The following PRP4K variants were observed in gnomAD, a reference collection of about 807,000 sequenced individuals.
PRP4K encodes the protein pre-mRNA processing factor kinase PRP4K.
the PRP4K span, among the ~76,000 whole-genome samples, chr6:4,025,316 C>T: frequency 8.5e-5 from 13 of 152,162 alleles, no homozygotes; most frequent in African/African-American, 2.7e-4. Flanking sequence ...AGAAGAAAGT[C>T]GTTGATGATA....
the PRP4K span, among the ~76,000 whole-genome samples, chr6:4,034,196 T>C: frequency 2.6e-5 from 4 of 152,176 alleles, no homozygotes; most frequent in African/African-American, 9.7e-5. Context: ...ATTATTCATA[T>C]TCACATGTGG....
chr6:4,033,240 A>G, the PRP4K span, among the ~76,000 whole-genome samples: 1 of 152,220 alleles, frequency 6.6e-6, no homozygotes, highest in African/African-American at 2.4e-5. Context: ...CAATACCAAT[A>G]TTTTTTGGTC....
At chr6:4,038,582 C>A in the PRP4K span, among the ~76,000 whole-genome samples, 1 of 152,050 alleles carries the variant, frequency 6.6e-6, no homozygotes, top group Non-Finnish European at 1.5e-5. Flanking sequence ...GTTTTTAATA[C>A]TACCGCTTAC....
At chr6:4,056,736 G>A in the PRP4K span, 1 of 1,508,360 alleles carries the variant, frequency 6.6e-7, no homozygotes, top group African/African-American at 1.4e-5. Flanking sequence ...GTTTTTTCCT[G>A]TTGCCTTGGT....
At chr6:4,045,913 A>C in the PRP4K span, among the ~76,000 whole-genome samples, 1 of 152,164 alleles carries the variant, frequency 6.6e-6, no homozygotes, top group Non-Finnish European at 1.5e-5. Context: ...ACATTCTTTC[A>C]TGTATGCATG....
chr6:4,042,852 T>C, the PRP4K span, among the ~76,000 whole-genome samples: 1 of 152,192 alleles, frequency 6.6e-6, no homozygotes, highest in East Asian at 1.9e-4. Flanking sequence ...TTTAAGTTAA[T>C]GAACACGTAT....
At chr6:4,027,000 T>A in the PRP4K span, among the ~76,000 whole-genome samples, 1 of 152,108 alleles carries the variant, frequency 6.6e-6, no homozygotes, top group Non-Finnish European at 1.5e-5. Context: ...TCAAGGAACA[T>A]GGTGTGGCTG....
At chr6:4,051,498 G>A in the PRP4K span, among the ~76,000 whole-genome samples, 1 of 148,430 alleles carries the variant, frequency 6.7e-6, no homozygotes, top group Non-Finnish European at 1.5e-5. Context: ...TGTATTTTTA[G>A]TAGAGACAGG....
the PRP4K span, chr6:4,021,325 C>A: frequency 2.0e-6 from 3 of 1,485,634 alleles, no homozygotes; most frequent in Non-Finnish European, 2.7e-6. Context: ...CCTACACGGT[C>A]GGCACATGCG....
At chr6:4,052,601 A>G in the PRP4K span, 2 of 748,908 alleles carry the variant, frequency 2.7e-6, no homozygotes, top group Non-Finnish European at 4.1e-6. Flanking sequence ...GGTGGTTCTT[A>G]CATATTTTTA....
At chr6:4,029,012 C>CTTTTTTTTTTT in the PRP4K span, among the ~76,000 whole-genome samples, 72 of 132,546 alleles carry the variant, frequency 5.4e-4, 3 homozygotes, top group Middle Eastern at 4.3e-3. Flanking sequence ...TACTTGGAAT[C>CTTTTTTTTTTT]TTTTTTTTTT....
the PRP4K span, among the ~76,000 whole-genome samples, chr6:4,037,988 A>G: frequency 1.2e-4 from 18 of 152,240 alleles, no homozygotes; most frequent in Non-Finnish European, 2.2e-4. Flanking sequence ...TTAATTTGCC[A>G]TAGAAACCAT....
At chr6:4,032,459 A>G in the PRP4K span, 2 of 1,614,192 alleles carry the variant, frequency 1.2e-6, no homozygotes, top group African/African-American at 1.3e-5. Flanking sequence ...AGAGAAAATC[A>G]AAACGGTCTG....
At chr6:4,029,704 C>A in the PRP4K span, among the ~76,000 whole-genome samples, 1 of 151,864 alleles carries the variant, frequency 6.6e-6, no homozygotes, top group African/African-American at 2.4e-5. Context: ...TTCTTCTTTC[C>A]TCCTAACATC....
At chr6:4,039,444 A>G in the PRP4K span, among the ~76,000 whole-genome samples, 1 of 152,176 alleles carries the variant, frequency 6.6e-6, no homozygotes, top group East Asian at 1.9e-4. Flanking sequence ...GCCTCTCAGC[A>G]TCTGGAGTGA....
At chr6:4,052,222 TTG>T in the PRP4K span, 1 of 1,071,802 alleles carries the variant, frequency 9.3e-7, no homozygotes, top group Non-Finnish European at 1.2e-6. Context: ...GCTCTGGTTT[TTG>T]TTTTTAACTT....
At chr6:4,052,880 C>A in the PRP4K span, 4 of 1,602,508 alleles carry the variant, frequency 2.5e-6, no homozygotes, top group South Asian at 4.5e-5. Context: ...CCTGGTAAGT[C>A]AAACAGCCAA....
At chr6:4,048,464 G>T in the PRP4K span, among the ~76,000 whole-genome samples, 176 of 152,122 alleles carry the variant, frequency 1.2e-3, 2 homozygotes, top group African/African-American at 4.1e-3. Context: ...AGTGCAGCCA[G>T]TGACTTACTA....
chr6:4,032,576 A>T, the PRP4K span: 3 of 1,613,486 alleles, frequency 1.9e-6, no homozygotes, highest in African/African-American at 2.7e-5. Context: ...CTAAAAGAAG[A>T]AGTTTGTCTC....
Sources: allele counts gnomAD v4.1 joint callset (sites outside exome capture counted in the v4.1 genomes callset), GRCh38; gene constraint gnomAD v4.1.1; transcripts MANE v1.5; gene names NCBI Gene and HGNC (gene_info 2026-07-23, HGNC 2026-07-21).